Variants in NKAIN3 observed in about 807,000 individuals in gnomAD.
The protein encoded by NKAIN3 is sodium/potassium transporting ATPase interacting 3.
NKAIN3 carries 25 observed loss-of-function variants against 30.2 expected under a neutral mutation model. That is an observed-to-expected ratio of 0.83 (90% CI 0.60 to 1.16). The LOEUF is 1.16. Ranked by LOEUF, NKAIN3 falls within the 50% of genes most tolerant of loss-of-function variation. NKAIN3 has a pLI of 0.00. For synonymous variants in NKAIN3, 91 were observed against 89.6 expected, an observed-to-expected ratio of 1.02 and a Z score of -0.09; for missense variants, 225 against 254.1, an observed-to-expected ratio of 0.89 and a Z score of 0.78.
rs1270035441 is a variant in NKAIN3, at chr8:62,990,061, T to C, written c.533-9170T>C. The C allele has an allele frequency of 4.9e-6, 3 of 611,930 alleles. No homozygotes were observed. In the East Asian group the frequency reaches 9.2e-5, roughly 19 times the overall value. 37.9% of individuals were successfully genotyped at this position (611,930 alleles called of 1,614,324 possible). ...TTAGACTTGATTTCAGGCACTTATA[T>C]TGACTTTTATTACACTTAATTTTGT... On this transcript the variant is annotated intron_variant, in intron 5 of 5. Coordinates refer to the NKAIN3 transcript ENST00000519049.
chr8:62,281,982 C>A (rs1046661027), intron 1 of NKAIN3, among the ~76,000 whole-genome samples: 1 of 132,400 alleles, frequency 7.6e-6, no homozygotes, highest in African/African-American at 2.7e-5. Flanking sequence ...TCTCTGTCCT[C>A]CCTCAAGTTA....
chr8:62,805,371 T>C (rs1176044649), intron 4 of NKAIN3, among the ~76,000 whole-genome samples: 3 of 151,760 alleles, frequency 2.0e-5, no homozygotes, highest in Non-Finnish European at 2.9e-5. Flanking sequence ...AGAACAAAGC[T>C]GGAGGCATCA....
chr8:62,640,097 C>G (rs1247052750), intron 3 of NKAIN3, among the ~76,000 whole-genome samples: 1 of 152,072 alleles, frequency 6.6e-6, no homozygotes, highest in East Asian at 1.9e-4. Flanking sequence ...ACAAGTTTCT[C>G]AAAGGTGGAA....
At chr8:62,489,376 A>C (rs1291550982) in intron 1 of NKAIN3, among the ~76,000 whole-genome samples, 1 of 152,088 alleles carries the variant, frequency 6.6e-6, no homozygotes, top group Non-Finnish European at 1.5e-5. Flanking sequence ...ATATATTCTC[A>C]ATTTTTAAAA....
At chr8:62,706,677 CTTAT>C (rs576015390) in intron 3 of NKAIN3, among the ~76,000 whole-genome samples, 6 of 151,936 alleles carry the variant, frequency 3.9e-5, no homozygotes, top group Admixed American at 6.6e-5. Context: ...TTAATATTTA[CTTAT>C]TTATTATTTT....
chr8:62,349,312 G>A (rs1242286488), intron 1 of NKAIN3, among the ~76,000 whole-genome samples: 1 of 152,034 alleles, frequency 6.6e-6, no homozygotes, highest in Admixed American at 6.6e-5. Context: ...TGTTTTAGAG[G>A]GACTGGGAGT....
chr8:62,500,430 AAAGAAAGAAAGAAAG>A (rs1261497495), intron 1 of NKAIN3, among the ~76,000 whole-genome samples: 2 of 51,474 alleles, frequency 3.9e-5, no homozygotes, highest in African/African-American at 2.2e-4. Flanking sequence ...GAAAGGAAAG[AAAGAAAGAAAGAAAG>A]AAAGAAAGAA....
At chr8:62,893,058 C>T (rs1263850706) in intron 4 of NKAIN3, among the ~76,000 whole-genome samples, 2 of 152,124 alleles carry the variant, frequency 1.3e-5, no homozygotes, top group Admixed American at 1.3e-4. Context: ...CGAGAGTGGA[C>T]AGCTCTGTAC....
At chr8:62,863,550 C>A in intron 4 of NKAIN3, 1 of 1,215,866 alleles carries the variant, frequency 8.2e-7, no homozygotes, top group Non-Finnish European at 1.2e-6. Flanking sequence ...AGATGGTGGC[C>A]AAGTACTCCC....
At chr8:62,809,149 C>T (rs1002574168) in intron 4 of NKAIN3, among the ~76,000 whole-genome samples, 1 of 152,166 alleles carries the variant, frequency 6.6e-6, no homozygotes, top group Non-Finnish European at 1.5e-5. Context: ...ATGGTTATCT[C>T]CCTTGTTCCC....
At chr8:62,747,558 A>C (rs1166995522) in intron 4 of NKAIN3, among the ~76,000 whole-genome samples, 2 of 152,222 alleles carry the variant, frequency 1.3e-5, no homozygotes, top group African/African-American at 4.8e-5. Context: ...ATTCCTTAAA[A>C]AACAAATCCC....
At chr8:62,620,746 CT>C (rs904888898) in intron 3 of NKAIN3, among the ~76,000 whole-genome samples, 8 of 152,116 alleles carry the variant, frequency 5.3e-5, no homozygotes, top group African/African-American at 1.9e-4. Flanking sequence ...TGTATCAGGT[CT>C]TTTTCTCAGC....
rs143871589 is a variant in NKAIN3 at position 62,524,871 on chromosome 8, C to T, written c.55-54668C>T. Among the ~76,000 whole-genome samples, 328 of 151,458 alleles carry T rather than the reference C, an allele frequency of 2.2e-3. 3 individuals are homozygous for T. The highest frequency in any genetic ancestry group is 7.4e-3 in the African/African-American group (306 of 41,160). ...TCTACACAGAATTCTTGAGGTACTCCGGTTTAATAGCTACACTAGTTTGAT... is the reference window on the plus strand; with the variant it reads ...TCTACACAGAATTCTTGAGGTACTCTGGTTTAATAGCTACACTAGTTTGAT... On this transcript the variant is annotated intron_variant, in intron 1 of 6. Transcript: ENST00000623646.
chr8:62,965,598 T>G lies in NKAIN3; in HGVS notation c.*191T>G, dbSNP rs1264215203. 2.1e-6 allele frequency: 2 copies of G among 972,858 alleles called. No homozygotes were observed. Among genetic ancestry groups the G allele is most frequent in the East Asian group, 2.3e-4 (2 of 8,654 alleles). 60.3% of individuals were successfully genotyped at this position (972,858 alleles called of 1,614,324 possible). ...GGGTATTTTTTTAGTCGTTTTCTTCTTATATGAACACTTGTAAGTTGTAAA... is the reference window on the plus strand; with the variant it reads ...GGGTATTTTTTTAGTCGTTTTCTTCGTATATGAACACTTGTAAGTTGTAAA... On this transcript the variant is annotated 3_prime_UTR_variant, in exon 7 of 7. Coordinates refer to ENST00000623646, the MANE Select transcript of NKAIN3 (RefSeq NM_001304533.3).
chr8:62,733,766 A>G (rs1052022038), intron 3 of NKAIN3, among the ~76,000 whole-genome samples: 6 of 152,044 alleles, frequency 3.9e-5, no homozygotes, highest in African/African-American at 1.2e-4. Context: ...TTGGCCTTTC[A>G]TGTTTTCTGA....
intron 5 of NKAIN3, among the ~76,000 whole-genome samples, chr8:62,922,183 T>C (rs1822300396): frequency 6.6e-6 from 1 of 152,230 alleles, no homozygotes; most frequent in Admixed American, 6.5e-5. Context: ...ATTATACTTT[T>C]GAGGAACTTT....
At chr8:62,554,074 C>T (rs1809309359) in intron 1 of NKAIN3, among the ~76,000 whole-genome samples, 1 of 152,054 alleles carries the variant, frequency 6.6e-6, no homozygotes, top group African/African-American at 2.4e-5. Flanking sequence ...AATTTTGCTA[C>T]CTTGAAAAAA....
At chr8:62,501,283 A>G (rs191959407) in intron 1 of NKAIN3, among the ~76,000 whole-genome samples, 3 of 152,290 alleles carry the variant, frequency 2.0e-5, no homozygotes, top group Admixed American at 1.3e-4. Context: ...CCCCATACTC[A>G]CTGCCACCCT....
chr8:62,318,506 A>G (rs958711399), intron 1 of NKAIN3, among the ~76,000 whole-genome samples: 1 of 152,176 alleles, frequency 6.6e-6, no homozygotes, highest in Non-Finnish European at 1.5e-5. Context: ...TTTAGCAATG[A>G]AGGTTGTTGA....
Sources: allele counts gnomAD v4.1 joint callset (sites outside exome capture counted in the v4.1 genomes callset), GRCh38; gene constraint gnomAD v4.1.1; transcripts MANE v1.5; gene names NCBI Gene and HGNC (gene_info 2026-07-23, HGNC 2026-07-21).